LINC00305: variants seen among roughly 807,000 people sequenced by gnomAD.
The protein encoded by LINC00305 is long independently transcribed non-coding RNA 305.
At chr18:64,095,457 GA>G (rs1189851602) in intron 3 of LINC00305, among the ~76,000 whole-genome samples, 1 of 130,156 alleles carries the variant, frequency 7.7e-6, no homozygotes, top group Non-Finnish European at 1.6e-5. Context: ...GACAAGAGGA[GA>G]TTTTTTTTTT....
In LINC00305 at chr18:64,140,083, G is replaced by A. The variant is rs575227750; in HGVS notation, n.314+8692C>T. ...CTCAGGATGTGTGGCCCACAGACAAGCAGGCTGCCCCTTTTCCCAATTCCC... is the reference window on the plus strand; with the variant it reads ...CTCAGGATGTGTGGCCCACAGACAAACAGGCTGCCCCTTTTCCCAATTCCC... On this transcript the variant is annotated intron_variant and non_coding_transcript_variant, in intron 1 of 3. Transcript: ENST00000666468. Among the ~76,000 whole-genome samples the A allele has an allele frequency of 3.3e-5, 5 of 152,250 alleles. No homozygotes were observed. The South Asian group carries it at 1.0e-3, about 32-fold the overall frequency.
chr18:64,091,617 G>C (rs1385053575), intron 3 of LINC00305, among the ~76,000 whole-genome samples: 1 of 152,128 alleles, frequency 6.6e-6, no homozygotes, highest in South Asian at 2.1e-4. Context: ...CATGTTCAAG[G>C]CCACTCACCT....
intron 3 of LINC00305, among the ~76,000 whole-genome samples, chr18:64,096,202 T>A (rs922179507): frequency 6.6e-6 from 1 of 151,988 alleles, no homozygotes; most frequent in Non-Finnish European, 1.5e-5. Context: ...TAAAGTGATA[T>A]GAAGAAATGA....
rs1390509475 is a variant in LINC00305, at chr18:64,137,628, G to T, written n.314+11147C>A. 5.3e-5 allele frequency among the ~76,000 whole-genome samples: 8 copies of T among 152,204 alleles called. 1 individual carries two copies. Among genetic ancestry groups the T allele is most frequent in the Admixed American group, 6.5e-5 (1 of 15,282 alleles). On this transcript the variant is annotated intron_variant and non_coding_transcript_variant, in intron 1 of 3. Transcript: ENST00000666468. ...TCCATAATTAAAATTCCGAAGTTGG[G>T]GTTGGTGAGGAGTGATTCTCCTTTG...
At chr18:64,083,423 A>G (rs1003728445) in intron 3 of LINC00305, among the ~76,000 whole-genome samples, 6 of 152,204 alleles carry the variant, frequency 3.9e-5, no homozygotes, top group Non-Finnish European at 7.3e-5. Flanking sequence ...CTAAGTTCTC[A>G]TACCGTGTGG....
At chr18:64,140,015 G>C (rs927413244) in intron 1 of LINC00305, among the ~76,000 whole-genome samples, 15 of 151,948 alleles carry the variant, frequency 9.9e-5, no homozygotes. Flanking sequence ...AACACACAAA[G>C]ACTGCTCCCA....
At chr18:64,106,394 A>G (rs1288005910) in intron 1 of LINC00305, among the ~76,000 whole-genome samples, 2 of 151,946 alleles carry the variant, frequency 1.3e-5, no homozygotes, top group African/African-American at 4.8e-5. Flanking sequence ...GCTCCTGGCT[A>G]TTTCACTCAT....
rs533770419 is a variant in LINC00305 at position 64,118,982 on chromosome 18, T to G, written n.315-20342A>C. 5.5e-4 allele frequency among the ~76,000 whole-genome samples: 83 copies of G among 152,030 alleles called. 1 individual carries two copies. The South Asian group carries it at 8.9e-3, about 16-fold the overall frequency. ...TTTAAATATACTTAACTCACTGACT[T>G]GTACAGCAATATTTAATGAATACTA... On this transcript the variant is annotated intron_variant and non_coding_transcript_variant, in intron 1 of 3. Transcript: ENST00000666468.
At chr18:64,143,935 A>G (rs1038054581) in intron 1 of LINC00305, among the ~76,000 whole-genome samples, 8 of 152,150 alleles carry the variant, frequency 5.3e-5, no homozygotes, top group Non-Finnish European at 1.0e-4. Context: ...AGAAATTTGG[A>G]GAATTTTTAC....
At chr18:64,119,968 G>A (rs955127004) in intron 1 of LINC00305, among the ~76,000 whole-genome samples, 27 of 152,014 alleles carry the variant, frequency 1.8e-4, no homozygotes, top group African/African-American at 6.3e-4. Context: ...GTAACTAAAA[G>A]TTTGGAGAGA....
intron 1 of LINC00305, among the ~76,000 whole-genome samples, chr18:64,109,328 G>A (rs2051305202): frequency 6.6e-6 from 1 of 152,196 alleles, no homozygotes; most frequent in Non-Finnish European, 1.5e-5. Flanking sequence ...GCAAGATGGT[G>A]TGAAAGGTTG....
intron 1 of LINC00305, among the ~76,000 whole-genome samples, chr18:64,103,494 A>G (rs2051276255): frequency 6.6e-6 from 1 of 152,116 alleles, no homozygotes; most frequent in African/African-American, 2.4e-5. Flanking sequence ...CTCCAGTTTC[A>G]CTAAACTGGG....
intron 1 of LINC00305, among the ~76,000 whole-genome samples, chr18:64,135,554 T>C (rs2051429164): frequency 6.6e-6 from 1 of 152,104 alleles, no homozygotes; most frequent in African/African-American, 2.4e-5. Flanking sequence ...GCGTGCTTTC[T>C]CCCTTTGTTC....
intron 1 of LINC00305, among the ~76,000 whole-genome samples, chr18:64,122,036 C>T (rs2051364298): frequency 6.6e-6 from 1 of 151,702 alleles, no homozygotes; most frequent in Non-Finnish European, 1.5e-5. Context: ...GGGATTACTT[C>T]TTTGATTTTT....
chr18:64,131,048 TC>T (rs2144268296), intron 1 of LINC00305, among the ~76,000 whole-genome samples: 1 of 152,314 alleles, frequency 6.6e-6, no homozygotes, highest in East Asian at 1.9e-4. Context: ...GGGAGGCATC[TC>T]ACTTAGATCT....
intron 1 of LINC00305, among the ~76,000 whole-genome samples, chr18:64,110,033 A>C (rs1384797819): frequency 6.6e-6 from 1 of 151,848 alleles, no homozygotes; most frequent in East Asian, 1.9e-4. Flanking sequence ...GGCCCAAGAC[A>C]ATTCTTCTTC....
intron 1 of LINC00305, among the ~76,000 whole-genome samples, chr18:64,140,899 G>T (rs2051459185): frequency 6.6e-6 from 1 of 152,004 alleles, no homozygotes; most frequent in Admixed American, 6.6e-5. Flanking sequence ...GAGAGATGCA[G>T]TGTTGCTGGC....
rs544158425 is a variant in LINC00305, at chr18:64,105,567, T to C, written n.315-6927A>G. On this transcript the variant is annotated intron_variant and non_coding_transcript_variant, in intron 1 of 3. Transcript: ENST00000666468. ...ATATATTATTTCTGTGGGTGGTGTGTATGTGTGTACGTGCACGTGTGTGTA... is the reference window on the plus strand; with the variant it reads ...ATATATTATTTCTGTGGGTGGTGTGCATGTGTGTACGTGCACGTGTGTGTA... Among the ~76,000 whole-genome samples, 19 of 152,318 alleles carry C rather than the reference T, an allele frequency of 1.2e-4. No individual in the cohort carries two copies. The East Asian group carries it at 3.7e-3, about 29-fold the overall frequency.
chr18:64,121,259 G>A (rs950621428), intron 1 of LINC00305, among the ~76,000 whole-genome samples: 7 of 151,998 alleles, frequency 4.6e-5, no homozygotes, highest in Admixed American at 3.9e-4. Flanking sequence ...CATAGCTTGG[G>A]TGGTGGTGAA....
Sources: allele counts gnomAD v4.1 joint callset (sites outside exome capture counted in the v4.1 genomes callset), GRCh38; gene constraint gnomAD v4.1.1; transcripts MANE v1.5; gene names NCBI Gene and HGNC (gene_info 2026-07-23, HGNC 2026-07-21).